The following RPS29 variants were observed in gnomAD, a reference collection of about 807,000 sequenced individuals.
The protein encoded by RPS29 is ribosomal protein S29, also known as small ribosomal subunit protein uS14.
For synonymous variants in RPS29, 37 were observed against 26.9 expected, an observed-to-expected ratio of 1.37 and a Z score of -1.16; for missense variants, 60 against 75.7, an observed-to-expected ratio of 0.79 and a Z score of 0.77.
At chr14:49,597,211 G>A (rs368391210) in intron 1 of RPS29, among the ~76,000 whole-genome samples, 2 of 152,114 alleles carry the variant, frequency 1.3e-5, no homozygotes, top group Non-Finnish European at 2.9e-5. Context: ...ACCGCGCCCG[G>A]CCTAGTTAAT....
downstream of RPS29, among the ~76,000 whole-genome samples, chr14:49,581,722 C>T (rs1881340139): frequency 6.6e-6 from 1 of 152,102 alleles, no homozygotes; most frequent in Admixed American, 6.6e-5. Flanking sequence ...TCGGTTCCTT[C>T]AACAAACCTT....
chr14:49,571,940 A>ATTGTT (rs911302077), exon 3 of RPS29: 1 of 152,022 alleles, frequency 6.6e-6, no homozygotes, highest in Admixed American at 6.6e-5. Context: ...CCTACGTTTT[A>ATTGTT]TTGTTTTATT....
upstream of RPS29, among the ~76,000 whole-genome samples, chr14:49,588,321 TTATTC>T (rs1201620884): frequency 6.6e-6 from 1 of 152,238 alleles, no homozygotes; most frequent in Non-Finnish European, 1.5e-5. Flanking sequence ...TTCTTAATAC[TTATTC>T]TAGTCTATAC....
At chr14:49,577,588 G>C (rs539554353) in exon 3 of RPS29, 1 of 667,756 alleles carries the variant, frequency 1.5e-6, no homozygotes, top group South Asian at 1.7e-5. Flanking sequence ...GAAGCCACTG[G>C]GCAGTATGTG....
exon 3 of RPS29, chr14:49,573,687 G>C (rs1002219932): frequency 2.6e-5 from 4 of 152,144 alleles, no homozygotes; most frequent in Non-Finnish European, 4.4e-5. Context: ...AGCACTGTTG[G>C]AGTGGACCAT....
At chr14:49,589,728 C>A (rs899970498), upstream of RPS29, among the ~76,000 whole-genome samples, 1 of 152,204 alleles carries the variant, frequency 6.6e-6, no homozygotes, top group African/African-American at 2.4e-5. Flanking sequence ...AAGGCAAATG[C>A]ATATGTATGT....
chr14:49,577,871 G>GC, intron 2 of RPS29: 1 of 1,571,384 alleles, frequency 6.4e-7, no homozygotes, highest in Non-Finnish European at 8.6e-7. Context: ...GGTAAAAGAG[G>GC]ACCCATAAAA....
At chr14:49,575,478 T>G (rs1175692448) in exon 3 of RPS29, 8 of 152,240 alleles carry the variant, frequency 5.3e-5, no homozygotes, top group Non-Finnish European at 1.0e-4. Context: ...CACCATTTAT[T>G]TATAACAGTC....
upstream of RPS29, among the ~76,000 whole-genome samples, chr14:49,590,484 A>C (rs928236716): frequency 2.0e-5 from 3 of 152,130 alleles, no homozygotes; most frequent in Admixed American, 6.6e-5. Context: ...TCAAAAAAAA[A>C]CAAAAAACAA....
intron 1 of RPS29, among the ~76,000 whole-genome samples, chr14:49,595,169 T>C (rs1881795941): frequency 6.6e-6 from 1 of 152,114 alleles, no homozygotes; most frequent in South Asian, 2.1e-4. Context: ...TTTTTAACTA[T>C]TTAGCTGTAT....
chr14:49,591,961 G>A (rs1012443561), intron 1 of RPS29, among the ~76,000 whole-genome samples: 1 of 152,104 alleles, frequency 6.6e-6, no homozygotes, highest in Non-Finnish European at 1.5e-5. Flanking sequence ...GATTCAATTT[G>A]ATTTTCTGAT....
chr14:49,580,654 C>T (rs1240545001), downstream of RPS29, among the ~76,000 whole-genome samples: 1 of 152,094 alleles, frequency 6.6e-6, no homozygotes, highest in African/African-American at 2.4e-5. Context: ...GGTGGATCAC[C>T]TGAGGTCAGG....
At chr14:49,597,658 T>A (rs1388047073) in intron 1 of RPS29, 1 of 81,516 alleles carries the variant, frequency 1.2e-5, no homozygotes, top group Non-Finnish European at 3.0e-5. Context: ...GAAAGTAATT[T>A]CTTTTTTTTT....
At chr14:49,572,137 T>C (rs1029855703) in exon 3 of RPS29, 3 of 152,060 alleles carry the variant, frequency 2.0e-5, no homozygotes, top group African/African-American at 7.2e-5. Flanking sequence ...TTTTAGTAGA[T>C]ACGAGGTTCA....
Position 49,586,293 on chromosome 14 carries a change from A to T in RPS29, c.54T>A (p.Ser18=). Residue 18 remains serine, a synonymous_variant, in exon 1 of 3, where the codon TCT becomes TCA. Transcript: ENST00000245458. ...CACAAACTATTTCTCACCAAGAGCG[A>T]GAACCCTGGCCGAATTTTCGCGGGT... ...WSHPRKFGQG[S]RSCRVCSNRH... The T allele has an allele frequency of 6.2e-7, 1 of 1,613,838 alleles. No homozygotes were observed. The highest frequency in any genetic ancestry group is 8.5e-7 in the Non-Finnish European group (1 of 1,179,722).
chr14:49,578,998 A>G (rs1881264534), downstream of RPS29, among the ~76,000 whole-genome samples: 1 of 152,198 alleles, frequency 6.6e-6, no homozygotes, highest in Non-Finnish European at 1.5e-5. Flanking sequence ...CCTCATTTGT[A>G]AAATGGGGAC....
intron 2 of RPS29, chr14:49,577,987 T>C: frequency 1.5e-6 from 1 of 646,234 alleles, no homozygotes; most frequent in Non-Finnish European, 2.8e-6. Flanking sequence ...GTGGAATTAA[T>C]TCAGAGAACA....
upstream of RPS29, among the ~76,000 whole-genome samples, chr14:49,588,866 T>G (rs533389456): frequency 2.4e-4 from 35 of 147,700 alleles, no homozygotes; most frequent in South Asian, 7.5e-3. Flanking sequence ...CTTCTTACAG[T>G]TTCTGAGTCC....
At chr14:49,591,724 G>A (rs1274603288) in intron 1 of RPS29, among the ~76,000 whole-genome samples, 4 of 148,892 alleles carry the variant, frequency 2.7e-5, no homozygotes, top group African/African-American at 9.9e-5. Flanking sequence ...GGGTTCAAAC[G>A]ATTCACCTAC....
Sources: allele counts gnomAD v4.1 joint callset (sites outside exome capture counted in the v4.1 genomes callset), GRCh38; gene constraint gnomAD v4.1.1; transcripts MANE v1.5; gene names NCBI Gene and HGNC (gene_info 2026-07-23, HGNC 2026-07-21).